The following HDAC9 variants were observed in gnomAD, a reference collection of about 807,000 sequenced individuals.
HDAC9 encodes the protein histone deacetylase 9.
In HDAC9, 41 loss-of-function variants were observed where a neutral mutation model predicts 139.4. The ratio of observed to expected loss-of-function variants is 0.29; its 90% CI spans 0.23 to 0.38. The LOEUF (loss-of-function observed/expected upper bound fraction) is 0.38, where lower values mean the gene tolerates loss of function less well. HDAC9 is among the 10% of genes least tolerant of loss of function. The pLI is 1.00. For missense variants in HDAC9, 1,147 were observed against 1,297.0 expected (o/e 0.88, Z 1.78); for synonymous variants, 517 against 476.2 (o/e 1.09, Z -1.12).
At chr7:18,898,254 T>C (rs1215735837) in intron 22 of HDAC9, among the ~76,000 whole-genome samples, 1 of 151,888 alleles carries the variant, frequency 6.6e-6, no homozygotes, top group Non-Finnish European at 1.5e-5. Flanking sequence ...TGTAAAATAA[T>C]ATTCTATGGG....
intron 23 of HDAC9, among the ~76,000 whole-genome samples, chr7:18,940,331 A>C (rs932940659): frequency 3.3e-5 from 5 of 152,204 alleles, no homozygotes; most frequent in Non-Finnish European, 4.4e-5. Context: ...AATATGTACA[A>C]GGTCAGTCAA....
At chr7:18,798,542 A>G (rs375412723) in intron 17 of HDAC9, among the ~76,000 whole-genome samples, 3 of 152,080 alleles carry the variant, frequency 2.0e-5, no homozygotes, top group Admixed American at 1.3e-4. Flanking sequence ...TCTGATGGGG[A>G]GATAAGGGAG....
chr7:18,848,410 G>A (rs1585147270), intron 21 of HDAC9, among the ~76,000 whole-genome samples: 1 of 152,034 alleles, frequency 6.6e-6, no homozygotes, highest in East Asian at 1.9e-4. Context: ...GCCTGTGGGT[G>A]GCAATTAGGG....
At chr7:18,233,882 A>T (rs1289080082) in intron 2 of HDAC9, among the ~76,000 whole-genome samples, 1 of 152,174 alleles carries the variant, frequency 6.6e-6, no homozygotes, top group Non-Finnish European at 1.5e-5. Flanking sequence ...AGCTTTCAAG[A>T]CATACTGTAG....
chr7:18,282,287 G>A (rs1797155851), intron 2 of HDAC9, among the ~76,000 whole-genome samples: 1 of 152,040 alleles, frequency 6.6e-6, no homozygotes, highest in South Asian at 2.1e-4. Flanking sequence ...TATGGAATAG[G>A]TATTATAAAT....
chr7:18,219,237 TTAAAGTTG>T (rs1792518484), intron 2 of HDAC9, among the ~76,000 whole-genome samples: 1 of 152,206 alleles, frequency 6.6e-6, no homozygotes. Context: ...ATAATTACTT[TTAAAGTTG>T]TAATTAGTTC....
intron 1 of HDAC9, among the ~76,000 whole-genome samples, chr7:18,115,857 T>C (rs559012991): frequency 6.6e-6 from 1 of 152,364 alleles, no homozygotes; most frequent in South Asian, 2.1e-4. Flanking sequence ...TTAGAGAGAT[T>C]CAGTAGCTGT....
chr7:18,463,090 T>G (rs1413010850), intron 1 of HDAC9, among the ~76,000 whole-genome samples: 4 of 151,992 alleles, frequency 2.6e-5, no homozygotes, highest in Non-Finnish European at 5.9e-5. Context: ...ATTAAAATTT[T>G]TCTTGAAGAG....
intron 21 of HDAC9, among the ~76,000 whole-genome samples, chr7:18,866,275 C>T (rs1798489382): frequency 1.3e-5 from 2 of 151,874 alleles, no homozygotes; most frequent in Non-Finnish European, 2.9e-5. Flanking sequence ...TCTCAACGTG[C>T]ACCACCCCCG....
At chr7:18,221,027 C>T (rs887401016) in intron 2 of HDAC9, among the ~76,000 whole-genome samples, 1 of 151,846 alleles carries the variant, frequency 6.6e-6, no homozygotes, top group African/African-American at 2.4e-5. Context: ...CTTTATTTTT[C>T]AAGAAAACAC....
chr7:18,850,716 T>TA (rs930924866), intron 21 of HDAC9, among the ~76,000 whole-genome samples: 4 of 152,162 alleles, frequency 2.6e-5, no homozygotes, highest in African/African-American at 9.7e-5. Context: ...TGTCACAACA[T>TA]ATCATGGACT....
At chr7:18,249,524 C>CAAAAAAAAAAAAAAAAAAAAAAAA (rs1417150363) in intron 2 of HDAC9, among the ~76,000 whole-genome samples, 1 of 49,012 alleles carries the variant, frequency 2.0e-5, no homozygotes, top group Non-Finnish European at 5.6e-5. Context: ...AAAAAAAAAA[C>CAAAAAAAAAAAAAAAAAAAAAAAA]AAAAAAAAAA....
chr7:18,715,265 C>A (rs567445483), intron 12 of HDAC9, among the ~76,000 whole-genome samples: 1 of 151,372 alleles, frequency 6.6e-6, no homozygotes, highest in Non-Finnish European at 1.5e-5. Context: ...AAAGCGGATA[C>A]TTCTGTTTAA....
chr7:18,270,684 A>G (rs1796298842), intron 2 of HDAC9, among the ~76,000 whole-genome samples: 1 of 152,158 alleles, frequency 6.6e-6, no homozygotes, highest in Non-Finnish European at 1.5e-5. Context: ...GTAGGAGGAA[A>G]AATGCTAAAT....
At chr7:18,980,370 A>G (rs1237638655) in intron 25 of HDAC9, among the ~76,000 whole-genome samples, 1 of 152,200 alleles carries the variant, frequency 6.6e-6, no homozygotes, top group East Asian at 1.9e-4. Flanking sequence ...CACTCCTTCA[A>G]TCCTATCCTC....
chr7:18,138,278 A>T (rs1338749791), intron 1 of HDAC9, among the ~76,000 whole-genome samples: 1 of 151,920 alleles, frequency 6.6e-6, no homozygotes, highest in Non-Finnish European at 1.5e-5. Context: ...ATTCTTTGTA[A>T]GGGTTCTAAG....
intron 6 of HDAC9, among the ~76,000 whole-genome samples, chr7:18,615,374 A>G (rs1382995335): frequency 6.6e-6 from 1 of 152,162 alleles, no homozygotes; most frequent in Non-Finnish European, 1.5e-5. Flanking sequence ...AAACAACAGC[A>G]ACAAAAAAAG....
At chr7:18,990,909 A>G (rs1785863776) in intron 25 of HDAC9, among the ~76,000 whole-genome samples, 1 of 152,208 alleles carries the variant, frequency 6.6e-6, no homozygotes, top group African/African-American at 2.4e-5. Flanking sequence ...GGGCTCGCGC[A>G]TGGAGCGCGC....
At chr7:18,631,641 C>T (rs1782382051) in intron 7 of HDAC9, among the ~76,000 whole-genome samples, 1 of 151,950 alleles carries the variant, frequency 6.6e-6, no homozygotes, top group Non-Finnish European at 1.5e-5. Context: ...CACTCATTGA[C>T]ATGGGAACCC....
Sources: gnomAD v4.1 joint callset for allele counts (sites outside exome capture counted in the v4.1 genomes callset) on GRCh38, gnomAD v4.1.1 for gene constraint, MANE v1.5 for transcripts, NCBI Gene and HGNC (gene_info 2026-07-23, HGNC 2026-07-21) for gene names.